The following CRPPA variants were observed in gnomAD, a reference collection of about 807,000 sequenced individuals.
CRPPA encodes D-ribitol-5-phosphate cytidylyltransferase.
In CRPPA, 43 loss-of-function variants were observed where a neutral mutation model predicts 52.0. The observed-to-expected ratio is 0.83, with a 90% CI of 0.65 to 1.07. The LOEUF (loss-of-function observed/expected upper bound fraction) is 1.07, where lower values mean the gene tolerates loss of function less well. Among genes scored for constraint, CRPPA ranks in the 50% least tolerant of loss-of-function variants. The pLI is 0.00. For synonymous variants in CRPPA, 250 were observed against 203.5 expected, an observed-to-expected ratio of 1.23 and a Z score of -1.94; for missense variants, 629 against 551.7, an observed-to-expected ratio of 1.14 and a Z score of -1.40.
chr7:16,179,179 T>C (rs1192355225), intron 9 of CRPPA, among the ~76,000 whole-genome samples: 1 of 152,150 alleles, frequency 6.6e-6, no homozygotes, highest in African/African-American at 2.4e-5. Context: ...GTATTTTTTG[T>C]CCTGCTCTCT....
At chr7:16,347,711 G>C (rs995961259) in intron 3 of CRPPA, among the ~76,000 whole-genome samples, 1 of 152,090 alleles carries the variant, frequency 6.6e-6, no homozygotes, top group Non-Finnish European at 1.5e-5. Flanking sequence ...CACACTGGAT[G>C]GGCAGAAAAA....
chr7:16,198,700 T>C (rs1019509991), intron 9 of CRPPA, among the ~76,000 whole-genome samples: 5 of 149,128 alleles, frequency 3.4e-5, no homozygotes, highest in Middle Eastern at 3.4e-3. Context: ...GGATGACCGG[T>C]ATGCACTCCC....
intron 8 of CRPPA, chr7:16,216,680 A>C (rs10237469): frequency 6.5e-6 from 1 of 153,890 alleles, no homozygotes; most frequent in South Asian, 1.9e-4. Flanking sequence ...AAGGGGTGAC[A>C]GACGCACCTG....
At chr7:16,398,063 C>T (rs1009335056) in intron 2 of CRPPA, among the ~76,000 whole-genome samples, 1 of 152,184 alleles carries the variant, frequency 6.6e-6, no homozygotes, top group African/African-American at 2.4e-5. Flanking sequence ...ATCGAAATGA[C>T]CAGGGCATGA....
intron 2 of CRPPA, among the ~76,000 whole-genome samples, chr7:16,398,157 G>C (rs1296831719): frequency 6.6e-6 from 1 of 152,052 alleles, no homozygotes; most frequent in Non-Finnish European, 1.5e-5. Context: ...ACATGTGAAT[G>C]ACACAATTGA....
intron 8 of CRPPA, among the ~76,000 whole-genome samples, chr7:16,228,325 T>C (rs1260847229): frequency 6.6e-6 from 1 of 151,924 alleles, no homozygotes; most frequent in African/African-American, 2.4e-5. Flanking sequence ...TTCTGCTCTA[T>C]ATTGTTTCCT....
Position 16,102,104 on chromosome 7 carries a change from C to A in CRPPA, c.1252-10305G>T, listed in dbSNP as rs377446681. On this transcript the variant is annotated intron_variant, in intron 9 of 9. Coordinates refer to ENST00000407010, the MANE Select transcript of CRPPA (RefSeq NM_001101426.4). ...AAACAGCATGGTACTGGTACCAAAACAGATATATAGACCAATGGAACAAAA... is the reference window on the plus strand; with the variant it reads ...AAACAGCATGGTACTGGTACCAAAAAAGATATATAGACCAATGGAACAAAA... Among the ~76,000 whole-genome samples the A allele has an allele frequency of 9.2e-5, 14 of 152,252 alleles. No individual in the cohort carries two copies. In the East Asian group the frequency reaches 2.3e-3, roughly 25 times the overall value.
intron 9 of CRPPA, among the ~76,000 whole-genome samples, chr7:16,212,351 GAAGA>G: frequency 6.6e-6 from 1 of 152,236 alleles, no homozygotes; most frequent in Non-Finnish European, 1.5e-5. Flanking sequence ...GTTTAGTGGG[GAAGA>G]AATAAGAGAA....
chr7:16,291,751 GT>G (rs1367491226), intron 5 of CRPPA, among the ~76,000 whole-genome samples: 3 of 150,976 alleles, frequency 2.0e-5, no homozygotes, highest in African/African-American at 7.3e-5. Flanking sequence ...TGTCCTCAAA[GT>G]AAAAAAAAAA....
intron 3 of CRPPA, among the ~76,000 whole-genome samples, chr7:16,356,083 G>T (rs1786287937): frequency 6.6e-6 from 1 of 151,292 alleles, no homozygotes; most frequent in Non-Finnish European, 1.5e-5. Context: ...AAAAATTCTA[G>T]AATGCTTTCA....
chr7:16,238,949 C>A lies in CRPPA; in HGVS notation c.1119+19441G>T, dbSNP rs189212671. On this transcript the variant is annotated intron_variant, in intron 8 of 9. Coordinates refer to ENST00000407010, the MANE Select transcript of CRPPA (RefSeq NM_001101426.4). ...AGTCAGGAGTTCGAGACCAGCCTGG[C>A]CAAAATGGTGAAACCCCGTCTCTAC... Among the ~76,000 whole-genome samples, 1,319 of 151,900 alleles carry A rather than the reference C, an allele frequency of 8.7e-3. 6 individuals carry two copies. The highest frequency in any genetic ancestry group is 0.012 in the Admixed American group (190 of 15,236).
intron 8 of CRPPA, among the ~76,000 whole-genome samples, chr7:16,240,572 TAC>T (rs71549978): frequency 0.31 from 45,764 of 147,918 alleles, 8,053 homozygotes; most frequent in Admixed American, 0.41. Context: ...TTATTACACA[TAC>T]ACACACACAC....
intron 3 of CRPPA, among the ~76,000 whole-genome samples, chr7:16,317,596 T>C (rs887464273): frequency 6.6e-6 from 1 of 152,134 alleles, no homozygotes; most frequent in Non-Finnish European, 1.5e-5. Context: ...TTTATTTCTT[T>C]TGTGGCTAAG....
At chr7:16,182,207 G>A (rs1386608694) in intron 9 of CRPPA, among the ~76,000 whole-genome samples, 1 of 151,790 alleles carries the variant, frequency 6.6e-6, no homozygotes, top group Non-Finnish European at 1.5e-5. Context: ...ATAGGGATAA[G>A]AAAAATATTT....
At chr7:16,403,037 C>CA (rs1481450871) in intron 2 of CRPPA, among the ~76,000 whole-genome samples, 1 of 151,974 alleles carries the variant, frequency 6.6e-6, no homozygotes, top group Admixed American at 6.6e-5. Context: ...AGAGAAAAGG[C>CA]AAATTACTTT....
At chr7:16,222,096 C>G (rs1217106816) in intron 8 of CRPPA, among the ~76,000 whole-genome samples, 24 of 151,356 alleles carry the variant, frequency 1.6e-4, no homozygotes, top group African/African-American at 3.9e-4. Context: ...CACATATACA[C>G]CATGGAATAC....
chr7:16,330,996 T>TTTTG (rs1020014004), intron 3 of CRPPA, among the ~76,000 whole-genome samples: 14 of 152,020 alleles, frequency 9.2e-5, no homozygotes, highest in African/African-American at 3.1e-4. Flanking sequence ...TGTTTTTTTG[T>TTTTG]TTTGTTTTGT....
chr7:16,223,639 C>T (rs914835145), intron 8 of CRPPA, among the ~76,000 whole-genome samples: 11 of 152,100 alleles, frequency 7.2e-5, no homozygotes, highest in African/African-American at 2.7e-4. Context: ...ATACCAACTA[C>T]TTAGGTGTTC....
At chr7:16,361,666 G>C (rs1786447332) in intron 3 of CRPPA, among the ~76,000 whole-genome samples, 1 of 152,108 alleles carries the variant, frequency 6.6e-6, no homozygotes, top group South Asian at 2.1e-4. Context: ...AAGTAAAATG[G>C]GGATTGCCAC....
Sources: allele counts gnomAD v4.1 joint callset (sites outside exome capture counted in the v4.1 genomes callset), GRCh38; gene constraint gnomAD v4.1.1; transcripts MANE v1.5; gene names NCBI Gene and HGNC (gene_info 2026-07-23, HGNC 2026-07-21).